The following RNF115 variants were observed in gnomAD, a reference collection of about 807,000 sequenced individuals.
The protein encoded by RNF115 is E3 ubiquitin-protein ligase RNF115.
RNF115 carries 31 observed loss-of-function variants against 39.2 expected under a neutral mutation model. The ratio of observed to expected loss-of-function variants is 0.79; its 90% confidence interval spans 0.59 to 1.07. The LOEUF (loss-of-function observed/expected upper bound fraction) is 1.07, where lower values mean the gene tolerates loss of function less well. Among genes scored for constraint, RNF115 ranks in the 50% least tolerant of loss-of-function variants. The probability of loss-of-function intolerance (pLI) is 0.00; values close to 1 mark genes in which losing one functional copy is unlikely to be tolerated. For missense variants in RNF115, 384 were observed against 381.7 expected (o/e 1.01, Z -0.05); for synonymous variants, 124 against 131.0 (o/e 0.95, Z 0.37).
chr1:145,759,794 C>G (rs1485563598), intron 4 of RNF115, among the ~76,000 whole-genome samples: 1 of 152,168 alleles, frequency 6.6e-6, no homozygotes, highest in African/African-American at 2.4e-5. Context: ...CATTCCCACT[C>G]CCATCAACTT....
At chr1:145,798,902 C>T (rs1649099018) in intron 1 of RNF115, among the ~76,000 whole-genome samples, 1 of 152,002 alleles carries the variant, frequency 6.6e-6, no homozygotes. Context: ...TCATTCCTAA[C>T]TTTCATTCTT....
At position 145,771,938 on chromosome 1, in the gene RNF115, A is replaced by C; in HGVS notation, c.220-19T>G. On this transcript the variant is annotated intron_variant, in intron 3 of 8. Coordinates refer to ENST00000582693, the MANE Select transcript of RNF115 (RefSeq NM_014455.4). Reference sequence around the variant, plus strand: ...CCCAAAGCTAGTAAAGACCAGAAATAAGTCACATGTTAGAAAAATCAATCA... The same window carrying C: ...CCCAAAGCTAGTAAAGACCAGAAATCAGTCACATGTTAGAAAAATCAATCA... 1 of 1,596,196 alleles carries C rather than the reference A, an allele frequency of 6.3e-7. No homozygotes were observed. Among genetic ancestry groups the C allele is most frequent in the South Asian group, 1.1e-5 (1 of 89,006 alleles).
intron 7 of RNF115, among the ~76,000 whole-genome samples, chr1:145,748,332 G>T (rs1402248040): frequency 6.6e-6 from 1 of 152,024 alleles, no homozygotes; most frequent in Non-Finnish European, 1.5e-5. Flanking sequence ...ATGATGAATG[G>T]GGCCTACTCC....
chr1:145,766,622 G>A (rs1553714891), intron 4 of RNF115, among the ~76,000 whole-genome samples: 2 of 150,500 alleles, frequency 1.3e-5, no homozygotes, highest in South Asian at 2.1e-4. Flanking sequence ...CCGGGCGGGG[G>A]GCTGACCCCC....
At chr1:145,782,184 C>T (rs1201534995) in intron 3 of RNF115, among the ~76,000 whole-genome samples, 3 of 152,092 alleles carry the variant, frequency 2.0e-5, no homozygotes, top group Non-Finnish European at 4.4e-5. Flanking sequence ...GGATTACAAG[C>T]GTAAGCCACC....
At chr1:145,808,345 G>A (rs1649547196) in intron 1 of RNF115, among the ~76,000 whole-genome samples, 1 of 152,054 alleles carries the variant, frequency 6.6e-6, no homozygotes, top group Non-Finnish European at 1.5e-5. Flanking sequence ...ATTCTGGTCA[G>A]CATCTGTTAT....
intron 4 of RNF115, among the ~76,000 whole-genome samples, chr1:145,758,035 G>A (rs1021336678): frequency 1.6e-4 from 25 of 152,146 alleles, no homozygotes; most frequent in Non-Finnish European, 3.2e-4. Flanking sequence ...TGTGGCTAGA[G>A]GGCAAACTGT....
At chr1:145,747,170 A>G (rs1289750361) in intron 8 of RNF115, among the ~76,000 whole-genome samples, 173 bp from the exon 9 acceptor site, 1 of 152,164 alleles carries the variant, frequency 6.6e-6, no homozygotes, top group Non-Finnish European at 1.5e-5. Flanking sequence ...TGATACCAGG[A>G]TATCTCCCAA....
At chr1:145,795,225 T>G (rs587598554) in intron 1 of RNF115, among the ~76,000 whole-genome samples, 3 of 152,100 alleles carry the variant, frequency 2.0e-5, no homozygotes, top group East Asian at 3.9e-4. Context: ...TCTCACTGAC[T>G]TCAGGAATGA....
chr1:145,763,595 A>T (rs1181354847), intron 4 of RNF115, among the ~76,000 whole-genome samples: 1 of 152,152 alleles, frequency 6.6e-6, no homozygotes, highest in East Asian at 1.9e-4. Context: ...GCTACTTGGG[A>T]GGCTGAGGCA....
At chr1:145,804,834 T>C (rs587698754) in intron 1 of RNF115, among the ~76,000 whole-genome samples, 167 of 152,238 alleles carry the variant, frequency 1.1e-3, no homozygotes, top group South Asian at 0.011. Context: ...AAAGGGGAAG[T>C]GGAGGGATGG....
chr1:145,764,454 G>C (rs782562008), intron 4 of RNF115, among the ~76,000 whole-genome samples: 46 of 151,702 alleles, frequency 3.0e-4, no homozygotes, highest in Non-Finnish European at 5.4e-4. Flanking sequence ...CCACCGCCCT[G>C]TCTGGGATGT....
intron 4 of RNF115, among the ~76,000 whole-genome samples, chr1:145,767,779 C>T (rs374326831): frequency 6.6e-6 from 1 of 152,340 alleles, no homozygotes; most frequent in Admixed American, 6.5e-5. Context: ...GAGACCAGCC[C>T]GGCCAACACA....
At chr1:145,781,278 T>C (rs1408965616) in intron 3 of RNF115, among the ~76,000 whole-genome samples, 2 of 152,198 alleles carry the variant, frequency 1.3e-5, no homozygotes, top group Non-Finnish European at 2.9e-5. Context: ...AACCACTTCA[T>C]TGTACAAGCA....
intron 1 of RNF115, among the ~76,000 whole-genome samples, chr1:145,791,267 C>CT (rs587692546): frequency 2.7e-4 from 41 of 151,580 alleles, no homozygotes; most frequent in African/African-American, 8.5e-4. Flanking sequence ...AATCCCAGCA[C>CT]TTTCGGAGGC....
At position 145,742,864 on chromosome 1, in the gene RNF115, A is replaced by C. The variant is rs1553711150; in HGVS notation, c.*4002T>G. On this transcript the variant is annotated 3_prime_UTR_variant, in exon 9 of 9. Coordinates refer to ENST00000582693, the MANE Select transcript of RNF115 (RefSeq NM_014455.4). ...CCTGGACCAATTCCTGCTCAAAGAA[A>C]ACATTTAAGAAGCACCTGTCGGCTG... is the stretch of plus-strand genomic sequence containing the variant. 1 of 152,184 alleles carries C rather than the reference A, an allele frequency of 6.6e-6. No homozygotes were observed. The highest frequency in any genetic ancestry group is 1.5e-5 in the Non-Finnish European group (1 of 68,034). The allele number at this position is 152,184 out of a possible 1,614,324, so 9.4% of individuals were successfully genotyped here. A position where few individuals can be genotyped will look rare whatever the true frequency, so the allele number is the denominator to read the frequency against.
intron 4 of RNF115, among the ~76,000 whole-genome samples, chr1:145,766,530 G>GC (rs1456029954): frequency 1.2e-4 from 17 of 146,744 alleles, no homozygotes; most frequent in African/African-American, 3.5e-4. Context: ...AGACGGGGTG[G>GC]TGGCCGGGCA....
chr1:145,771,376 G>A (rs1041535471), intron 4 of RNF115, among the ~76,000 whole-genome samples: 1 of 152,190 alleles, frequency 6.6e-6, no homozygotes, highest in African/African-American at 2.4e-5. Flanking sequence ...GGACTTCCCA[G>A]CCTCCAGAAA....
intron 1 of RNF115, among the ~76,000 whole-genome samples, chr1:145,801,861 C>T (rs1444530668): frequency 6.6e-6 from 1 of 152,120 alleles, no homozygotes; most frequent in East Asian, 1.9e-4. Context: ...CATCTCGGCT[C>T]ACTGCAACCT....
Sources: gnomAD v4.1 joint callset for allele counts (sites outside exome capture counted in the v4.1 genomes callset) on GRCh38, gnomAD v4.1.1 for gene constraint, MANE v1.5 for transcripts, NCBI Gene and HGNC (gene_info 2026-07-23, HGNC 2026-07-21) for gene names.